Variants in PRKD1 observed in about 807,000 individuals in gnomAD.
PRKD1 encodes serine/threonine-protein kinase D1.
In PRKD1, 63 loss-of-function variants were observed where a neutral mutation model predicts 95.9. The observed-to-expected ratio is 0.66, with a 90% CI of 0.54 to 0.81. The LOEUF is 0.81. PRKD1 is among the 30% of genes least tolerant of loss of function. PRKD1 has a pLI of 0.00. For missense variants in PRKD1, 1,048 were observed against 1,165.3 expected (o/e 0.90, Z 1.47); for synonymous variants, 425 against 423.1 (o/e 1.00, Z -0.05).
chr14:29,699,009 A>T (rs899113994), intron 2 of PRKD1, among the ~76,000 whole-genome samples: 13 of 152,166 alleles, frequency 8.5e-5, no homozygotes, highest in African/African-American at 2.7e-4. Flanking sequence ...GAATATTGCC[A>T]TGTCAATCAC....
intron 2 of PRKD1, among the ~76,000 whole-genome samples, chr14:29,722,724 C>G (rs1776322305): frequency 6.6e-6 from 1 of 152,002 alleles, no homozygotes; most frequent in African/African-American, 2.4e-5. Flanking sequence ...ACTGTGTGTC[C>G]TATGTGGCTC....
chr14:29,796,761 C>G (rs1025963930), intron 1 of PRKD1, among the ~76,000 whole-genome samples: 1 of 151,958 alleles, frequency 6.6e-6, no homozygotes, highest in Admixed American at 6.6e-5. Context: ...GACCAGAGTT[C>G]TAGGGGAATG....
chr14:29,619,957 T>C (rs571143308), intron 13 of PRKD1, among the ~76,000 whole-genome samples: 1 of 151,988 alleles, frequency 6.6e-6, no homozygotes, highest in South Asian at 2.1e-4. Context: ...AACAGCATGG[T>C]ACTGGTACCA....
chr14:29,730,280 CCATT>C (rs1319763060), intron 1 of PRKD1, among the ~76,000 whole-genome samples: 3 of 152,134 alleles, frequency 2.0e-5, no homozygotes, highest in South Asian at 2.1e-4. Context: ...CTCAACATCA[CCATT>C]CAGAGAAGTG....
In PRKD1 at chr14:29,630,987, G is replaced by A; in HGVS notation, c.1427C>T (p.Pro476Leu). ...AGGAATTAAAGCTGAAGTTTTTACT[G>A]GTTCCAGAGACAAAATTTCAGATAA... ...IPLSEILSLE[P>L]VKTSALIPNG... The change falls in exon 10 of 18, where the codon CCA (proline) becomes CTA (leucine). Residue 476 changes from proline (P) to leucine (L), a missense_variant. Transcript: ENST00000331968. 2 of 1,610,598 alleles carry A rather than the reference G, an allele frequency of 1.2e-6. No individual in the cohort carries two copies. Among genetic ancestry groups the A allele is most frequent in the Non-Finnish European group, 1.7e-6 (2 of 1,177,688 alleles).
Position 29,599,746 on chromosome 14 carries a change from C to T in PRKD1, c.1977G>A (p.Met659Ile). 1 of 1,613,250 alleles carries T rather than the reference C, an allele frequency of 6.2e-7. No individual in the cohort carries two copies. Among genetic ancestry groups the T allele is most frequent in the African/African-American group, 1.3e-5 (1 of 74,998 alleles). The change falls in exon 14 of 18, where the codon ATG (methionine) becomes ATA (isoleucine). Residue 659 changes from methionine (M) to isoleucine (I), a missense_variant. This residue lies in a region of PRKD1 where 739 missense variants were observed against 861.9 expected (regional missense o/e 0.86). Transcript: ENST00000331968. ...FETPERVFVV[M>I]EKLHGDMLEM... ...CCAGCATGTCTCCATGGAGTTTTTC[C>T]ATAACAACAAACACTCTTTCAGGCG...
At chr14:29,791,970 C>T (rs1012848638) in intron 1 of PRKD1, among the ~76,000 whole-genome samples, 2 of 152,080 alleles carry the variant, frequency 1.3e-5, no homozygotes, top group African/African-American at 2.4e-5. Context: ...GTGTATGAAA[C>T]TTCCAGTTCC....
chr14:29,919,357 T>C (rs1204171851), intron 1 of PRKD1, among the ~76,000 whole-genome samples: 2 of 152,238 alleles, frequency 1.3e-5, no homozygotes, highest in African/African-American at 4.8e-5. Flanking sequence ...TACCAGTTCT[T>C]AACTATTTAA....
chr14:29,801,376 T>C (rs898153991), intron 1 of PRKD1, among the ~76,000 whole-genome samples: 1 of 152,184 alleles, frequency 6.6e-6, no homozygotes, highest in Non-Finnish European at 1.5e-5. Flanking sequence ...CTCCACAGCC[T>C]GGCTAAGTTG....
At chr14:29,751,348 T>C (rs773466289) in intron 1 of PRKD1, among the ~76,000 whole-genome samples, 6 of 152,216 alleles carry the variant, frequency 3.9e-5, no homozygotes, top group Non-Finnish European at 8.8e-5. Flanking sequence ...AGGGGCAGTC[T>C]ACAGCTGGCT....
chr14:29,594,910 T>C (rs1396648917), intron 16 of PRKD1, among the ~76,000 whole-genome samples: 1 of 152,216 alleles, frequency 6.6e-6, no homozygotes, highest in Non-Finnish European at 1.5e-5. Flanking sequence ...TTGTGACACC[T>C]TAACTGATAT....
intron 15 of PRKD1, among the ~76,000 whole-genome samples, chr14:29,598,375 A>T (rs1361040230): frequency 6.6e-6 from 1 of 152,168 alleles, no homozygotes; most frequent in East Asian, 1.9e-4. Flanking sequence ...ACCGAGAGAC[A>T]AATATGAAGA....
At chr14:29,792,437 A>C (rs1208784200) in intron 1 of PRKD1, among the ~76,000 whole-genome samples, 1 of 152,142 alleles carries the variant, frequency 6.6e-6, no homozygotes, top group Non-Finnish European at 1.5e-5. Flanking sequence ...ATTAGTTAAC[A>C]CTGTGAACAT....
chr14:29,661,562 T>C (rs909842057), intron 4 of PRKD1, among the ~76,000 whole-genome samples: 1 of 152,196 alleles, frequency 6.6e-6, no homozygotes, highest in Non-Finnish European at 1.5e-5. Flanking sequence ...CAGGGAAATA[T>C]GTGTCCTCCT....
chr14:29,672,752 C>T (rs1882935340), intron 2 of PRKD1, among the ~76,000 whole-genome samples: 1 of 151,962 alleles, frequency 6.6e-6, no homozygotes, highest in Non-Finnish European at 1.5e-5. Flanking sequence ...TTAATAACTC[C>T]AGGTATATAG....
Position 29,636,464 on chromosome 14 carries a change from A to G in PRKD1, c.1016T>C (p.Val339Ala), listed in dbSNP as rs1356908036. The change falls in exon 7 of 18, where the codon GTG becomes GCG. Residue 339 changes from valine (V) to alanine (A), a missense_variant. Transcript: ENST00000331968. ...GTCATCACTCCCTTCTTCCATGACC[A>G]CATCAGACTCTGCCCCAGGGCTAAG... ...DLLSPGAESDVVMEEGSDDND... is the reference protein window; with the variant it reads ...DLLSPGAESDAVMEEGSDDND... The G allele has an allele frequency of 6.2e-7, 1 of 1,614,126 alleles. No homozygotes were observed. Among genetic ancestry groups the G allele is most frequent in the South Asian group, 1.1e-5 (1 of 91,086 alleles).
chr14:29,886,617 T>A (rs976781557), intron 1 of PRKD1, among the ~76,000 whole-genome samples: 3 of 152,232 alleles, frequency 2.0e-5, no homozygotes, highest in African/African-American at 7.2e-5. Context: ...TACTCAGCCA[T>A]GCAATGAAAA....
At chr14:29,733,463 T>A (rs1182759125) in intron 1 of PRKD1, among the ~76,000 whole-genome samples, 1 of 152,156 alleles carries the variant, frequency 6.6e-6, no homozygotes, top group Non-Finnish European at 1.5e-5. Flanking sequence ...ATTAGTCGGT[T>A]CTCATGCTGC....
At chr14:29,585,050 AGT>A (rs1892872442) in intron 16 of PRKD1, among the ~76,000 whole-genome samples, 1 of 152,146 alleles carries the variant, frequency 6.6e-6, no homozygotes, top group African/African-American at 2.4e-5. Flanking sequence ...CCTTCAGGCA[AGT>A]GTTTTCTCTT....
Sources: gnomAD v4.1 joint callset for allele counts (sites outside exome capture counted in the v4.1 genomes callset) on GRCh38, gnomAD v4.1.1 for gene constraint, gnomAD v4.1.1 regional missense constraint, MANE v1.5 for transcripts, NCBI Gene and HGNC (gene_info 2026-07-23, HGNC 2026-07-21) for gene names.